The following POLR1C variants were observed in gnomAD, a reference collection of about 807,000 sequenced individuals.
The protein encoded by POLR1C is DNA-directed RNA polymerases I and III subunit RPAC1.
A neutral mutation model predicts 38.3 loss-of-function variants in POLR1C; 42 were observed. The ratio of observed to expected loss-of-function variants is 1.10; its 90% CI spans 0.86 to 1.42. The LOEUF is 1.42. Ranked by LOEUF, POLR1C falls within the 40% of genes most tolerant of loss-of-function variation. The pLI is 0.00. For synonymous variants in POLR1C, 163 were observed against 163.9 expected, an observed-to-expected ratio of 0.99 and a Z score of 0.04; for missense variants, 507 against 450.5, an observed-to-expected ratio of 1.13 and a Z score of -1.14.
chr6:43,548,862 T>C (rs1339285083), intron 9 of POLR1C, among the ~76,000 whole-genome samples: 2 of 152,088 alleles, frequency 1.3e-5, no homozygotes, highest in Admixed American at 6.6e-5. Flanking sequence ...GGGTTGTGAT[T>C]TGCATCTGCT....
At chr6:43,530,315 T>C (rs1330813086), downstream of POLR1C, among the ~76,000 whole-genome samples, 6 of 151,668 alleles carry the variant, frequency 4.0e-5, no homozygotes, top group African/African-American at 7.3e-5. Flanking sequence ...TCACAGCTAG[T>C]TAGGAGGCTG....
chr6:43,532,680 C>G (rs1794055411), downstream of POLR1C, among the ~76,000 whole-genome samples: 1 of 152,230 alleles, frequency 6.6e-6, no homozygotes, highest in African/African-American at 2.4e-5. Context: ...TCCTTCAAGT[C>G]CCCATTGGGA....
chr6:43,523,978 C>T (rs765603626), downstream of POLR1C: 2 of 1,613,680 alleles, frequency 1.2e-6, no homozygotes, highest in South Asian at 2.2e-5. Flanking sequence ...ATGTGAACTT[C>T]TTTTCGGAAC....
downstream of POLR1C, chr6:43,521,616 G>A (rs1268238062): frequency 2.2e-6 from 1 of 458,842 alleles, no homozygotes; most frequent in African/African-American, 2.1e-5. Flanking sequence ...CTTCCTCCTG[G>A]GTTCAAGCAA....
At chr6:43,520,582 C>T in intron 6 of POLR1C, 43 bp from the exon 7 acceptor site, 1 of 1,613,118 alleles carries the variant, frequency 6.2e-7, no homozygotes, top group South Asian at 1.1e-5. Flanking sequence ...TCTTCCTAAC[C>T]CTAGAAGGGT....
chr6:43,555,922 C>T (rs1762056633), intron 10 of POLR1C: 3 of 1,613,958 alleles, frequency 1.9e-6, no homozygotes, highest in South Asian at 1.1e-5. Context: ...GGGATCCAAA[C>T]GACATGCCAA....
intron 10 of POLR1C, chr6:43,558,862 C>A: frequency 3.1e-6 from 1 of 327,284 alleles, no homozygotes; most frequent in Non-Finnish European, 5.6e-6. Context: ...TTTTAAGGTC[C>A]CCAGAAAAAA....
chr6:43,520,200 G>A lies in POLR1C; in HGVS notation c.502+15G>A, dbSNP rs369805980. The A allele has an allele frequency of 2.5e-6, 4 of 1,614,158 alleles. No homozygotes were observed. The highest frequency in any genetic ancestry group is 3.4e-6 in the Non-Finnish European group (4 of 1,180,028). On this transcript the variant is annotated intron_variant, in intron 5 of 8. Coordinates refer to ENST00000642195, the MANE Select transcript of POLR1C (RefSeq NM_203290.4). ...GAACCACAAAGGTGAGTAGTGGTAG[G>A]GTGAGGAAGAGGCCCCACCTGTGGG...
chr6:43,526,119 A>C (rs1206501160), downstream of POLR1C: 1 of 569,806 alleles, frequency 1.8e-6, no homozygotes, highest in South Asian at 2.2e-5. Context: ...CAAGCTGTAC[A>C]TGAGGGAAAT....
At chr6:43,560,433 G>A in intron 10 of POLR1C, 1 of 1,186,744 alleles carries the variant, frequency 8.4e-7, no homozygotes, top group Non-Finnish European at 1.1e-6. Flanking sequence ...TGTCTCTACT[G>A]CAATTTATCA....
intron 9 of POLR1C, among the ~76,000 whole-genome samples, chr6:43,545,327 TTTGG>T (rs1794909253): frequency 6.6e-6 from 1 of 152,222 alleles, no homozygotes; most frequent in Admixed American, 6.5e-5. Context: ...ACATGAATAA[TTTGG>T]TTTGCCCCGT....
chr6:43,543,379 T>C (rs1270939968), intron 9 of POLR1C, among the ~76,000 whole-genome samples: 1 of 152,054 alleles, frequency 6.6e-6, no homozygotes, highest in Non-Finnish European at 1.5e-5. Context: ...CTTGAGCCCA[T>C]GAGGTCGAGG....
At chr6:43,552,298 T>G (rs1795266271) in intron 10 of POLR1C, among the ~76,000 whole-genome samples, 1 of 152,058 alleles carries the variant, frequency 6.6e-6, no homozygotes, top group Non-Finnish European at 1.5e-5. Context: ...CCTCAGGTGA[T>G]CCACCCACCT....
chr6:43,532,852 C>A (rs1794068706), downstream of POLR1C, among the ~76,000 whole-genome samples: 1 of 152,150 alleles, frequency 6.6e-6, no homozygotes, highest in African/African-American at 2.4e-5. Context: ...CTAACAAGGT[C>A]ACAACTGGAA....
downstream of POLR1C, chr6:43,522,841 CCT>C (rs1380950415): frequency 1.0e-5 from 3 of 296,284 alleles, no homozygotes; most frequent in African/African-American, 6.6e-5. Flanking sequence ...GTATCCATGT[CCT>C]CTCTTTACAG....
In POLR1C at chr6:43,539,139, C is replaced by T. The variant is rs557510416; in HGVS notation, c.*4+9780C>T. On this transcript the variant is annotated intron_variant, in intron 9 of 10. Transcript: ENST00000607635. ...GGGATGAGGCGCACCAGCACAGAGCCACGGCGGCCTGTCACCTTGCAGGGG... is the reference window on the plus strand; with the variant it reads ...GGGATGAGGCGCACCAGCACAGAGCTACGGCGGCCTGTCACCTTGCAGGGG... The T allele has an allele frequency of 4.3e-6, 5 of 1,165,360 alleles. No individual in the cohort carries two copies. In the East Asian group the frequency reaches 7.5e-5, roughly 17 times the overall value. The allele number at this position is 1,165,360 out of a possible 1,614,324, so 72.2% of individuals were successfully genotyped here.
downstream of POLR1C, among the ~76,000 whole-genome samples, chr6:43,531,036 G>T (rs921650183): frequency 1.3e-5 from 2 of 152,202 alleles, no homozygotes; most frequent in African/African-American, 4.8e-5. Context: ...TATTTAATGT[G>T]GACTTACAAT....
chr6:43,562,071 C>G, exon 11 of POLR1C: 1 of 453,436 alleles, frequency 2.2e-6, no homozygotes, highest in East Asian at 3.4e-5. Flanking sequence ...AAATTTAGAT[C>G]ACTCAAACAC....
chr6:43,527,664 T>C (rs1793685416), intron 8 of POLR1C: 1 of 1,613,966 alleles, frequency 6.2e-7, no homozygotes, highest in Non-Finnish European at 8.5e-7. Flanking sequence ...CGGGTTAACA[T>C]CCTCACCAGT....
Sources: gnomAD v4.1 joint callset for allele counts (sites outside exome capture counted in the v4.1 genomes callset) on GRCh38, gnomAD v4.1.1 for gene constraint, MANE v1.5 for transcripts, NCBI Gene and HGNC (gene_info 2026-07-23, HGNC 2026-07-21) for gene names.